WDR76: variants seen among roughly 807,000 people sequenced by gnomAD.
WDR76 encodes the protein WD repeat domain 76.
WDR76 carries 52 observed loss-of-function variants against 70.2 expected under a neutral mutation model. The observed-to-expected ratio is 0.74, with a 90% confidence interval of 0.59 to 0.93. The LOEUF is 0.93. Ranked by LOEUF, WDR76 falls within the 40% of genes least tolerant of loss-of-function variation. WDR76 has a pLI of 0.00. For missense variants in WDR76, 756 were observed against 760.2 expected, an observed-to-expected ratio of 0.99 and a Z score of 0.07; for synonymous variants, 292 against 271.1, an observed-to-expected ratio of 1.08 and a Z score of -0.76.
At position 43,827,070 on chromosome 15, in the gene WDR76, C is replaced by T; in HGVS notation, c.38C>T (p.Ser13Phe). 6.2e-7 allele frequency: 1 copy of T among 1,614,118 alleles called. No homozygotes were observed. ...GGCGCGGCGGCTGAGAAGGCGGACT[C>T]CAGACAGCGACCCCAGATGAAGGTG... The part of the protein sequence containing the change: ...RSGAAAEKAD[S>F]RQRPQMKVNE... Residue 13 changes from serine (S) to phenylalanine (F), a missense_variant, in exon 1 of 13, where the codon TCC becomes TTC. Coordinates refer to ENST00000263795, the MANE Select transcript of WDR76 (RefSeq NM_024908.4).
intron 9 of WDR76, among the ~76,000 whole-genome samples, chr15:43,852,020 A>G (rs1369014306): frequency 6.6e-6 from 1 of 152,222 alleles, no homozygotes; most frequent in Non-Finnish European, 1.5e-5. Context: ...CCGTGATCAC[A>G]TACATCATTG....
At chr15:43,829,133 C>T (rs910751225) in intron 2 of WDR76, among the ~76,000 whole-genome samples, 5 of 152,010 alleles carry the variant, frequency 3.3e-5, no homozygotes, top group Non-Finnish European at 7.4e-5. Flanking sequence ...AACTCCTGAC[C>T]TTGTGATCCA....
chr15:43,835,714 A>G (rs1258289426), intron 3 of WDR76, among the ~76,000 whole-genome samples: 1 of 149,022 alleles, frequency 6.7e-6, no homozygotes, highest in Admixed American at 6.8e-5. Context: ...GCTGGAGTGC[A>G]ATGGCACGAT....
intron 2 of WDR76, 48 bp downstream of exon 2, chr15:43,828,414 T>G: frequency 6.5e-7 from 1 of 1,529,646 alleles, no homozygotes; most frequent in Non-Finnish European, 8.7e-7. Flanking sequence ...TTTTGAAATT[T>G]GAAGTTCTGA....
intron 2 of WDR76, among the ~76,000 whole-genome samples, chr15:43,834,831 A>T (rs2087635111): frequency 1.3e-5 from 2 of 152,214 alleles, no homozygotes; most frequent in South Asian, 4.1e-4. Flanking sequence ...TTCTAATATC[A>T]GATCACTTCT....
chr15:43,859,846 C>T (rs1567192784), intron 11 of WDR76, among the ~76,000 whole-genome samples: 1 of 152,212 alleles, frequency 6.6e-6, no homozygotes, highest in South Asian at 2.1e-4. Flanking sequence ...GCAAACCACA[C>T]TAGAAAAGCT....
intron 4 of WDR76, among the ~76,000 whole-genome samples, chr15:43,837,096 A>G (rs965882585): frequency 6.6e-5 from 10 of 152,152 alleles, no homozygotes; most frequent in Admixed American, 6.5e-4. Flanking sequence ...AAAACAGCTT[A>G]TAAGTGGTAG....
Position 43,843,982 on chromosome 15 carries a change from T to C in WDR76, c.960T>C (p.Ala320=). Residue 320 remains alanine (A), a synonymous_variant, in exon 8 of 13, where the codon GCT becomes GCC. Coordinates refer to ENST00000263795, the MANE Select transcript of WDR76 (RefSeq NM_024908.4). ...CCACAGGCCCAATATTCTCTATGGCTCTCCATCCATCAGAAACTAGAACTT... is the reference window on the plus strand; with the variant it reads ...CCACAGGCCCAATATTCTCTATGGCCCTCCATCCATCAGAAACTAGAACTT... The part of the protein sequence containing the change: ...KVTTGPIFSM[A]LHPSETRTLV... The C allele has an allele frequency of 6.2e-7, 1 of 1,613,970 alleles. No homozygotes were observed. The highest frequency in any genetic ancestry group is 1.1e-5 in the South Asian group (1 of 91,056).
intron 9 of WDR76, among the ~76,000 whole-genome samples, chr15:43,852,375 G>T (rs1040013133): frequency 6.6e-6 from 1 of 151,198 alleles, no homozygotes; most frequent in East Asian, 2.0e-4. Flanking sequence ...TGTTGTCGTC[G>T]TTGTTGTTGT....
chr15:43,864,242 G>C (rs2088041651), intron 12 of WDR76, among the ~76,000 whole-genome samples: 1 of 152,176 alleles, frequency 6.6e-6, no homozygotes, highest in African/African-American at 2.4e-5. Context: ...GTATCTCATA[G>C]ATAGTTCATT....
Position 43,835,124 on chromosome 15 carries a change from T to G in WDR76, c.526T>G (p.Phe176Val). ...RLKNISENADFFASLQLSESA... is the reference protein window; with the variant it reads ...RLKNISENADVFASLQLSESA... ...GAAGAACATATCAGAAAACGCAGACTTTTTTGCTTCTCTTCAGTTGTCTGA... is the reference window on the plus strand; with the variant it reads ...GAAGAACATATCAGAAAACGCAGACGTTTTTGCTTCTCTTCAGTTGTCTGA... Residue 176 changes from phenylalanine to valine, a missense_variant, in exon 3 of 13, where the codon TTT becomes GTT. Transcript: ENST00000263795. 5 of 1,614,126 alleles carry G rather than the reference T, an allele frequency of 3.1e-6. No homozygotes were observed. The highest frequency in any genetic ancestry group is 4.2e-6 in the Non-Finnish European group (5 of 1,180,012).
chr15:43,850,264 A>T (rs2087839898), intron 8 of WDR76, among the ~76,000 whole-genome samples: 1 of 148,604 alleles, frequency 6.7e-6, no homozygotes, highest in Non-Finnish European at 1.5e-5. Context: ...TTATGGTGTT[A>T]TTTTTTTATT....
chr15:43,837,276 G>A (rs1197239234), intron 4 of WDR76, among the ~76,000 whole-genome samples: 1 of 152,122 alleles, frequency 6.6e-6, no homozygotes, highest in Admixed American at 6.6e-5. Context: ...TCTGTTACAG[G>A]ACAATTAGCT....
Position 43,866,113 on chromosome 15 carries a change from T to C in WDR76, c.1617-15T>C. 6.2e-7 allele frequency: 1 copy of C among 1,611,870 alleles called. No individual in the cohort carries two copies. Among genetic ancestry groups the C allele is most frequent in the South Asian group, 1.1e-5 (1 of 91,038 alleles). On this transcript the variant is annotated splice_polypyrimidine_tract_variant and intron_variant, in intron 12 of 12. Coordinates refer to ENST00000263795, the MANE Select transcript of WDR76 (RefSeq NM_024908.4). ...ACCTTACTTCATTTAAAAAATATAT[T>C]GTTTTCCTCACTAGGCACAACACTT...
intron 9 of WDR76, among the ~76,000 whole-genome samples, chr15:43,855,182 AT>A (rs1452142532): frequency 6.6e-6 from 1 of 152,206 alleles, no homozygotes; most frequent in East Asian, 1.9e-4. Context: ...TATTGCATAT[AT>A]TCGTAATTTG....
intron 8 of WDR76, among the ~76,000 whole-genome samples, chr15:43,845,327 GTTGAAATA>G: frequency 6.7e-6 from 1 of 150,266 alleles, no homozygotes; most frequent in Non-Finnish European, 1.5e-5. Flanking sequence ...AAATTCATAT[GTTGAAATA>G]CTAATCCCTA....
intron 5 of WDR76, among the ~76,000 whole-genome samples, chr15:43,840,282 A>G (rs142027793): frequency 1.4e-3 from 211 of 152,160 alleles, no homozygotes; most frequent in African/African-American, 4.9e-3. Context: ...TTGTTTCTCC[A>G]TTAAAAAAAA....
At chr15:43,865,652 C>T (rs1268214826) in intron 12 of WDR76, among the ~76,000 whole-genome samples, 1 of 151,850 alleles carries the variant, frequency 6.6e-6, no homozygotes, top group Non-Finnish European at 1.5e-5. Flanking sequence ...GTTCCACCTG[C>T]CTCGGCCTCC....
At position 43,839,722 on chromosome 15, in the gene WDR76, T is replaced by C. The variant is rs766648396; in HGVS notation, c.726T>C (p.Asp242=). ...CAACACCGCCGACATTAGTAGCAGA[T>C]GAAACTGTAAGGAAATGTGCAAATA... The part of the protein sequence containing the change: ...AAPTPPTLVA[D]ETPLLPPGPL... The change falls in exon 5 of 13, where the codon GAT becomes GAC. Residue 242 remains aspartate (D), a synonymous_variant. Coordinates refer to ENST00000263795, the MANE Select transcript of WDR76 (RefSeq NM_024908.4). The C allele has an allele frequency of 3.1e-5, 49 of 1,605,040 alleles. 1 individual carries two copies. The South Asian group carries it at 4.5e-4, about 15-fold the overall frequency.
Sources: allele counts gnomAD v4.1 joint callset (sites outside exome capture counted in the v4.1 genomes callset), GRCh38; gene constraint gnomAD v4.1.1; transcripts MANE v1.5; gene names NCBI Gene and HGNC (gene_info 2026-07-23, HGNC 2026-07-21).